The following SNX21 variants were observed in gnomAD, a reference collection of about 807,000 sequenced individuals.
SNX21 encodes sorting nexin family member 21.
A neutral mutation model predicts 30.9 loss-of-function variants in SNX21; 36 were observed. The observed-to-expected ratio is 1.16, with a 90% CI of 0.89 to 1.54. The LOEUF (loss-of-function observed/expected upper bound fraction) is 1.54, where lower values mean the gene tolerates loss of function less well. SNX21 is among the 40% of genes most tolerant of loss of function. SNX21 has a pLI of 0.00. For missense variants in SNX21, 508 were observed against 516.5 expected (o/e 0.98, Z 0.16); for synonymous variants, 218 against 222.7 (o/e 0.98, Z 0.19).
chr20:45,834,431 G>A lies in SNX21; in HGVS notation c.252G>A (p.Gln84=), dbSNP rs773309579. 1 of 1,606,582 alleles carries A rather than the reference G, an allele frequency of 6.2e-7. No homozygotes were observed. Among genetic ancestry groups the A allele is most frequent in the Non-Finnish European group, 8.5e-7 (1 of 1,179,296 alleles). ...DEDDEEAGPD[Q]LPLGDGTSGE... is the part of the protein sequence containing the mutation. ...ACGACGAGGAGGCTGGCCCTGACCA[G>A]CTGCCCCTCGGGGATGGGACGTCAG... The change falls in exon 2 of 4, where the codon CAG becomes CAA. Residue 84 remains glutamine, a synonymous_variant. Coordinates refer to ENST00000491381, the MANE Select transcript of SNX21 (RefSeq NM_033421.4).
Position 45,842,372 on chromosome 20 carries a change from A to C in SNX21, c.*1059A>C, listed in dbSNP as rs1984273497. ...AGGAGCTCTGAGAACAGTCTCCTTC[A>C]ACAGCTCGGCCAAGCAGAACTGCTG... On this transcript the variant is annotated 3_prime_UTR_variant, in exon 4 of 4. Coordinates refer to ENST00000491381, the MANE Select transcript of SNX21 (RefSeq NM_033421.4). 1 of 1,303,572 alleles carries C rather than the reference A, an allele frequency of 7.7e-7. No homozygotes were observed. The highest frequency in any genetic ancestry group is 3.7e-5 in the Admixed American group (1 of 27,186). 80.8% of individuals were successfully genotyped at this position (1,303,572 alleles called of 1,614,324 possible).
At position 45,834,430 on chromosome 20, in the gene SNX21, A is replaced by T. The variant is rs1272264413; in HGVS notation, c.251A>T (p.Gln84Leu). 1 of 1,606,726 alleles carries T rather than the reference A, an allele frequency of 6.2e-7. No individual in the cohort carries two copies. Among genetic ancestry groups the T allele is most frequent in the Admixed American group, 1.7e-5 (1 of 59,718 alleles). Residue 84 changes from glutamine (Q) to leucine (L), a missense_variant, in exon 2 of 4, where the codon CAG becomes CTG. By Grantham distance (113) the Gln-to-Leu change is moderately radical (BLOSUM62 -2). Transcript: ENST00000491381. ...DEDDEEAGPD[Q>L]LPLGDGTSGE... ...GACGACGAGGAGGCTGGCCCTGACCAGCTGCCCCTCGGGGATGGGACGTCA... is the reference window on the plus strand; with the variant it reads ...GACGACGAGGAGGCTGGCCCTGACCTGCTGCCCCTCGGGGATGGGACGTCA...
At chr20:45,840,503 C>T (rs372943658) in intron 3 of SNX21, 136 bp from the exon 4 acceptor site, 4 of 1,613,520 alleles carry the variant, frequency 2.5e-6, no homozygotes, top group Middle Eastern at 1.6e-4. Context: ...GCAGCTCCCG[C>T]CCTCCTGGGT....
intron 2 of SNX21, 163 bp from the exon 3 acceptor site, chr20:45,834,796 G>A: frequency 1.1e-6 from 1 of 900,048 alleles, no homozygotes; most frequent in South Asian, 1.6e-5. Flanking sequence ...CTGTCTGCCA[G>A]GCACGGTGTT....
At chr20:45,840,552 G>A (rs1983977229) in intron 3 of SNX21, 87 bp from the exon 4 acceptor site, 3 of 1,613,786 alleles carry the variant, frequency 1.9e-6, no homozygotes, top group Non-Finnish European at 2.5e-6. Context: ...GGGAGGTACA[G>A]CTGGGAGTGT....
At chr20:45,837,560 T>C (rs1055036914) in intron 3 of SNX21, among the ~76,000 whole-genome samples, 2 of 152,126 alleles carry the variant, frequency 1.3e-5, no homozygotes, top group African/African-American at 4.8e-5. Context: ...TGGTTAACTC[T>C]CCTTTTAAAC....
chr20:45,838,311 G>A (rs1441366127), intron 3 of SNX21: 1 of 150,028 alleles, frequency 6.7e-6, no homozygotes, highest in Non-Finnish European at 1.5e-5. Context: ...TCGAACTCCT[G>A]GCCTTAAGCT....
In SNX21 at chr20:45,843,126, T is replaced by C; in HGVS notation, c.*1813T>C. The stretch of plus-strand genomic sequence containing the variant: ...GAATCTTGAGGGTGGAATCAGAATC[T>C]ATTTTGAAAAGGCATCCCCAAATGG... On this transcript the variant is annotated 3_prime_UTR_variant, in exon 4 of 4. Transcript: ENST00000491381. 9.9e-7 allele frequency: 1 copy of C among 1,012,910 alleles called. No homozygotes were observed. Among genetic ancestry groups the C allele is most frequent in the South Asian group, 1.7e-5 (1 of 58,594 alleles). 62.7% of individuals were successfully genotyped at this position (1,012,910 alleles called of 1,614,324 possible).
intron 3 of SNX21, among the ~76,000 whole-genome samples, chr20:45,837,767 TTTATC>T (rs1223217017): frequency 2.0e-5 from 3 of 151,844 alleles, no homozygotes; most frequent in African/African-American, 7.3e-5. Context: ...TTTTTTTTTC[TTTATC>T]TTTTTTTTTT....
At chr20:45,836,576 T>C (rs1983566549) in intron 3 of SNX21, among the ~76,000 whole-genome samples, 1 of 146,332 alleles carries the variant, frequency 6.8e-6, no homozygotes, top group Non-Finnish European at 1.5e-5. Flanking sequence ...CAGTCATAAC[T>C]CACTACAACC....
In SNX21 at chr20:45,841,863, G is replaced by C. The variant is rs1469525312; in HGVS notation, c.*550G>C. ...CTACAGCTTGCTCTCTGAGACCTGG[G>C]GCTTCACTCGGATCACGCCCTCCTG... On this transcript the variant is annotated 3_prime_UTR_variant, in exon 4 of 4. Transcript: ENST00000491381. 6.2e-7 allele frequency: 1 copy of C among 1,606,982 alleles called. No individual in the cohort carries two copies. Among genetic ancestry groups the C allele is most frequent in the African/African-American group, 1.3e-5 (1 of 74,826 alleles).
At chr20:45,840,350 A>G in intron 3 of SNX21, 2 of 1,612,234 alleles carry the variant, frequency 1.2e-6, no homozygotes, top group Non-Finnish European at 1.7e-6. Context: ...CTAATGCTCT[A>G]TGGGAAGGGA....
In SNX21 at chr20:45,835,129, C is replaced by G; in HGVS notation, c.447+13C>G. On this transcript the variant is annotated intron_variant, in intron 3 of 3. Transcript: ENST00000491381. ...CTCCAAGTACGTGGTGAGTGAGGGT[C>G]TAGAACCCCTGGGCTGTGAGTCCAG... The G allele has an allele frequency of 1.2e-6, 2 of 1,606,148 alleles. No homozygotes were observed. The highest frequency in any genetic ancestry group is 1.7e-6 in the Non-Finnish European group (2 of 1,175,026).
At chr20:45,834,636 C>T in intron 2 of SNX21, 168 bp downstream of exon 2, 7 of 914,606 alleles carry the variant, frequency 7.7e-6, no homozygotes, top group Non-Finnish European at 1.1e-5. Context: ...GTCTTAACCC[C>T]CCTCTGAGCC....
At position 45,833,809 on chromosome 20, in the gene SNX21, C is replaced by T. The variant is rs1601061178; in HGVS notation, c.-111C>T. On this transcript the variant is annotated 5_prime_UTR_variant, in exon 1 of 4. Coordinates refer to ENST00000491381, the MANE Select transcript of SNX21 (RefSeq NM_033421.4). ...AGGCGGGGCGGCGGCAGGAAGCTGCCCGAGCGGCGCTCTGAGCGGCCTGAG... is the reference window on the plus strand; with the variant it reads ...AGGCGGGGCGGCGGCAGGAAGCTGCTCGAGCGGCGCTCTGAGCGGCCTGAG... 1 of 1,126,754 alleles carries T rather than the reference C, an allele frequency of 8.9e-7. No homozygotes were observed. The highest frequency in any genetic ancestry group is 4.0e-5 in the South Asian group (1 of 24,770). 69.8% of individuals were successfully genotyped at this position (1,126,754 alleles called of 1,614,324 possible).
intron 3 of SNX21, among the ~76,000 whole-genome samples, chr20:45,837,602 T>G (rs1983650059): frequency 6.6e-6 from 1 of 152,164 alleles, no homozygotes; most frequent in Non-Finnish European, 1.5e-5. Context: ...TTAATCCATA[T>G]TCAGGTTCTC....
intron 2 of SNX21, 133 bp downstream of exon 2, chr20:45,834,601 C>T: frequency 8.2e-7 from 1 of 1,226,774 alleles, no homozygotes; most frequent in Non-Finnish European, 1.1e-6. Context: ...CCTGGGCCAC[C>T]TCTTGGCTGT....
At chr20:45,834,915 C>T in intron 2 of SNX21, 44 bp from the exon 3 acceptor site, 1 of 1,591,892 alleles carries the variant, frequency 6.3e-7, no homozygotes, top group Middle Eastern at 1.8e-4. Flanking sequence ...TTGATGTCGA[C>T]CCTGGCCCTA....
At chr20:45,840,322 A>AG in intron 3 of SNX21, 1 of 1,569,662 alleles carries the variant, frequency 6.4e-7, no homozygotes, top group South Asian at 1.1e-5. Flanking sequence ...GGTTTTCCAG[A>AG]GGGGGCTGTC....
Sources: gnomAD v4.1 joint callset for allele counts (sites outside exome capture counted in the v4.1 genomes callset) on GRCh38, gnomAD v4.1.1 for gene constraint, MANE v1.5 for transcripts, NCBI Gene and HGNC (gene_info 2026-07-23, HGNC 2026-07-21) for gene names.